Variants in LTF observed in about 807,000 individuals in gnomAD.
LTF encodes the protein lactotransferrin, also known as epididymis luminal protein 110.
In LTF, 91 loss-of-function variants were observed where a neutral mutation model predicts 87.2. The ratio of observed to expected loss-of-function variants is 1.04; its 90% CI spans 0.88 to 1.24. The LOEUF is 1.24. Ranked by LOEUF, LTF falls within the 50% of genes most tolerant of loss-of-function variation. The probability of loss-of-function intolerance (pLI) is 0.00; values close to 1 mark genes in which losing one functional copy is unlikely to be tolerated. For synonymous variants in LTF, 378 were observed against 356.1 expected (o/e 1.06, Z -0.69); for missense variants, 901 against 904.3 (o/e 1.00, Z 0.05).
intron 15 of LTF, 74 bp downstream of exon 15, chr3:46,439,222 C>T: frequency 2.1e-6 from 3 of 1,436,250 alleles, no homozygotes; most frequent in Middle Eastern, 1.9e-4. Context: ...GGCTGGTGCA[C>T]CTAGCTCTGT....
intron 1 of LTF, among the ~76,000 whole-genome samples, chr3:46,482,646 A>AAGAG (rs1703457518): frequency 9.6e-6 from 1 of 104,314 alleles, no homozygotes; most frequent in African/African-American, 3.8e-5. Context: ...GAAAGAAAGA[A>AAGAG]AGAAAGAAAG....
intron 5 of LTF, 129 bp from the exon 6 acceptor site, chr3:46,454,489 G>C: frequency 1.2e-6 from 1 of 841,738 alleles, no homozygotes; most frequent in Non-Finnish European, 2.0e-6. Context: ...TGAAGCTTTG[G>C]GGCATCCCAG....
upstream of LTF, among the ~76,000 whole-genome samples, chr3:46,466,082 A>C (rs575000586): frequency 6.6e-6 from 1 of 152,296 alleles, no homozygotes; most frequent in East Asian, 1.9e-4. Flanking sequence ...TCTACAAAAA[A>C]TACAAAAATT....
At chr3:46,464,030 C>T (rs372141428) in intron 1 of LTF, among the ~76,000 whole-genome samples, 1 of 152,192 alleles carries the variant, frequency 6.6e-6, no homozygotes, top group South Asian at 2.1e-4. Flanking sequence ...CACTGTGCCC[C>T]TCCCACTGCC....
chr3:46,443,371 G>A, intron 13 of LTF, 70 bp downstream of exon 13: 1 of 1,574,592 alleles, frequency 6.4e-7, no homozygotes, highest in Non-Finnish European at 8.7e-7. Flanking sequence ...TGGCTCCTTA[G>A]AACTGCAATG....
rs536494637 is a variant in LTF, at chr3:46,471,040, C to A, written c.-319-574G>T. On this transcript the variant is annotated intron_variant, in intron 1 of 19. Transcript: ENST00000443496. ...AGCCCAGCTTCCAGCAGTTCCTGGT[C>A]AGTGAGAGGGGCTGCATGGACCCAG... Among the ~76,000 whole-genome samples, 4 of 152,302 alleles carry A rather than the reference C, an allele frequency of 2.6e-5. No homozygotes were observed. The South Asian group carries it at 8.3e-4, about 32-fold the overall frequency.
intron 13 of LTF, among the ~76,000 whole-genome samples, chr3:46,442,869 G>C (rs1325130125): frequency 1.3e-5 from 2 of 152,180 alleles, no homozygotes; most frequent in African/African-American, 4.8e-5. Flanking sequence ...GCAACACCCG[G>C]ATGAATGGTG....
intron 14 of LTF, among the ~76,000 whole-genome samples, chr3:46,440,936 A>G (rs974074003): frequency 2.4e-4 from 36 of 152,342 alleles, no homozygotes; most frequent in Admixed American, 1.2e-3. Flanking sequence ...TTTTGTTCCC[A>G]CTAACTCCCA....
chr3:46,482,640 GAAAGAAAGAAAGAAA>G (rs1703456947), intron 1 of LTF, among the ~76,000 whole-genome samples: 1 of 91,744 alleles, frequency 1.1e-5, no homozygotes, highest in African/African-American at 4.3e-5. Context: ...AAGAAAGAAA[GAAAGAAAGAAAGAAA>G]GAAAGAAGGA....
chr3:46,444,487 A>G (rs778620586), intron 12 of LTF, among the ~76,000 whole-genome samples: 1 of 152,222 alleles, frequency 6.6e-6, no homozygotes, highest in Non-Finnish European at 1.5e-5. Flanking sequence ...AACGTCACCC[A>G]TTATCAGACT....
At chr3:46,463,017 C>A (rs1703123425) in intron 1 of LTF, among the ~76,000 whole-genome samples, 2 of 152,078 alleles carry the variant, frequency 1.3e-5, no homozygotes, top group African/African-American at 2.4e-5. Flanking sequence ...CCCCAGCCCC[C>A]CAAACACCAG....
intron 1 of LTF, among the ~76,000 whole-genome samples, 174 bp from the exon 2 acceptor site, chr3:46,459,993 A>T (rs552366239): frequency 6.6e-6 from 1 of 152,342 alleles, no homozygotes; most frequent in East Asian, 1.9e-4. Context: ...TGCTGGACTA[A>T]TAGGATCTCT....
rs1342765355 is a variant in LTF, at chr3:46,464,852, G to T, written c.16C>A (p.Leu6Ile). ...AGGGCCCCGAGGAACAGCAGGACGA[G>T]GAAGACAAGTTTCATGTCTGCGGTC... Reference protein sequence around the residue: MKLVFLVLLFLGALGL... With the variant: MKLVFIVLLFLGALGL... The change falls in exon 1 of 17, where the codon CTC becomes ATC. Residue 6 changes from leucine (L) to isoleucine (I), a missense_variant. Coordinates refer to ENST00000231751, the MANE Select transcript of LTF (RefSeq NM_002343.6). 6.2e-7 allele frequency: 1 copy of T among 1,613,958 alleles called. No homozygotes were observed. Among genetic ancestry groups the T allele is most frequent in the Admixed American group, 1.7e-5 (1 of 59,908 alleles).
chr3:46,458,580 T>G (rs1038264035), intron 2 of LTF, among the ~76,000 whole-genome samples: 1 of 152,202 alleles, frequency 6.6e-6, no homozygotes, highest in East Asian at 1.9e-4. Flanking sequence ...TTGTTTTTGT[T>G]TTTTGTTTTT....
At chr3:46,449,269 C>G (rs1702738709) in intron 8 of LTF, among the ~76,000 whole-genome samples, 1 of 152,208 alleles carries the variant, frequency 6.6e-6, no homozygotes, top group Non-Finnish European at 1.5e-5. Flanking sequence ...ATCCATTAAT[C>G]TTTAGAGTCA....
chr3:46,477,059 T>A (rs1392138859), intron 1 of LTF, among the ~76,000 whole-genome samples: 1 of 152,238 alleles, frequency 6.6e-6, no homozygotes, highest in East Asian at 1.9e-4. Flanking sequence ...ATGACTACGT[T>A]CTGCTTTAGA....
chr3:46,455,281 A>T lies in LTF; in HGVS notation c.647+14T>A, dbSNP rs890218907. On this transcript the variant is annotated intron_variant, in intron 5 of 16. Transcript: ENST00000231751. ...ACACTTGGCCACTGACGAGAAGGGG[A>T]CAGGGTCACTCACTTGAAGGCACCA... is the stretch of plus-strand genomic sequence containing the variant. The T allele has an allele frequency of 3.7e-6, 6 of 1,613,940 alleles. No homozygotes were observed. In the Admixed American group the frequency reaches 1.0e-4, roughly 27 times the overall value.
At chr3:46,461,411 C>T (rs1352704077) in intron 1 of LTF, among the ~76,000 whole-genome samples, 1 of 152,178 alleles carries the variant, frequency 6.6e-6, no homozygotes, top group Non-Finnish European at 1.5e-5. Context: ...ACCTAAATGT[C>T]CAATAACTGG....
intron 2 of LTF, 62 bp downstream of exon 2, chr3:46,459,594 T>A (rs1433504641): frequency 7.4e-7 from 1 of 1,354,010 alleles, no homozygotes; most frequent in East Asian, 2.8e-5. Context: ...TGTTCTATCT[T>A]TTTCCATTTC....
Sources: gnomAD v4.1 joint callset for allele counts (sites outside exome capture counted in the v4.1 genomes callset) on GRCh38, gnomAD v4.1.1 for gene constraint, MANE v1.5 for transcripts, NCBI Gene and HGNC (gene_info 2026-07-23, HGNC 2026-07-21) for gene names.